The following ATXN2 variants were observed in gnomAD, a reference collection of about 807,000 sequenced individuals.
The protein encoded by ATXN2 is ataxin-2.
In ATXN2, 37 loss-of-function variants were observed where a neutral mutation model predicts 138.6. The observed-to-expected ratio is 0.27, with a 90% CI of 0.21 to 0.35. The LOEUF (loss-of-function observed/expected upper bound fraction) is 0.35. Among genes scored for constraint, ATXN2 ranks in the 10% least tolerant of loss-of-function variants. The pLI is 1.00. For missense variants in ATXN2, 1,216 were observed against 1,480.3 expected (o/e 0.82, Z 2.93); for synonymous variants, 549 against 543.7 (o/e 1.01, Z -0.13).
chr12:111,530,280 G>C (rs904182332), intron 5 of ATXN2, among the ~76,000 whole-genome samples: 6 of 152,184 alleles, frequency 3.9e-5, no homozygotes, highest in Non-Finnish European at 7.3e-5. Flanking sequence ...ATTTCCTGTA[G>C]GAACTAGGAG....
rs1193252000 is a variant in ATXN2, at chr12:111,599,307, G to A, written c.-273C>T. ...CCAAAACAGTCTGAGGCGGAGGGAG[G>A]CGAGCTCTGCCGGGAGGGAGGGGGG... On this transcript the variant is annotated 5_prime_UTR_variant, in exon 1 of 25. Transcript: ENST00000673436. The A allele has an allele frequency of 1.8e-6, 2 of 1,114,228 alleles. No individual in the cohort carries two copies. Among genetic ancestry groups the A allele is most frequent in the Non-Finnish European group, 2.2e-6 (2 of 916,348 alleles). The allele number at this position is 1,114,228 out of a possible 1,614,324, so 69.0% of individuals were successfully genotyped here.
chr12:111,566,496 T>C lies in ATXN2; in HGVS notation c.252-10577A>G, dbSNP rs549102861. On this transcript the variant is annotated intron_variant, in intron 1 of 24. Coordinates refer to ENST00000673436, the MANE Select transcript of ATXN2 (RefSeq NM_001372574.1). ...TCTGTAAGGCTACTACTGCCATTCA[T>C]AGCCATTCTCTGATGGCAAAATAAA... Among the ~76,000 whole-genome samples the C allele has an allele frequency of 2.6e-5, 4 of 151,558 alleles. No homozygotes were observed. The South Asian group carries it at 8.3e-4, about 32-fold the overall frequency.
Position 111,516,066 on chromosome 12 carries a change from A to T in ATXN2, c.1375+88T>A. The T allele has an allele frequency of 8.1e-7, 1 of 1,229,168 alleles. No homozygotes were observed. The highest frequency in any genetic ancestry group is 1.1e-6 in the Non-Finnish European group (1 of 894,434). The allele number at this position is 1,229,168 out of a possible 1,614,324, so 76.1% of individuals were successfully genotyped here. On this transcript the variant is annotated intron_variant, in intron 10 of 24. Transcript: ENST00000673436. The surrounding 1 kb of genome is among the most constrained non-coding windows in gnomAD (Gnocchi z 5.0). ...ACACAGAAATTATAGGTTATTAAAT[A>T]ATGAAGAGGAAACTATTTTGTAATT...
intron 1 of ATXN2, among the ~76,000 whole-genome samples, chr12:111,576,031 G>A (rs571781493): frequency 3.3e-5 from 5 of 151,882 alleles, no homozygotes; most frequent in South Asian, 4.2e-4. Flanking sequence ...GCAGTAAGCC[G>A]AGATCATGCC....
Position 111,598,196 on chromosome 12 carries a change from G to A in ATXN2, c.251+588C>T. 9.5e-7 allele frequency: 1 copy of A among 1,054,638 alleles called. No individual in the cohort carries two copies. Among genetic ancestry groups the A allele is most frequent in the Non-Finnish European group, 1.2e-6 (1 of 869,352 alleles). The allele number at this position is 1,054,638 out of a possible 1,614,324, so 65.3% of individuals were successfully genotyped here. On this transcript the variant is annotated intron_variant, in intron 1 of 24. Transcript: ENST00000673436. This position sits in a 1 kb window ranked among gnomAD's most constrained non-coding sequence, Gnocchi z 4.5. ...CCCACTTGTCTCCACCCCGTCCTCC[G>A]ATCTTTCCCAGGACTCGGAGGGGGC... is the stretch of plus-strand genomic sequence containing the variant.
chr12:111,530,046 T>C (rs1880729971), intron 5 of ATXN2, among the ~76,000 whole-genome samples: 1 of 152,232 alleles, frequency 6.6e-6, no homozygotes, highest in South Asian at 2.1e-4. Context: ...CATATTGTTT[T>C]GATCAATTCC....
chr12:111,534,682 C>G (rs1881045859), intron 5 of ATXN2, among the ~76,000 whole-genome samples: 1 of 152,042 alleles, frequency 6.6e-6, no homozygotes, highest in Non-Finnish European at 1.5e-5. Flanking sequence ...TCATGACACC[C>G]TATGATGTCT....
At chr12:111,468,648 A>G (rs1238152790) in intron 20 of ATXN2, 1 of 151,808 alleles carries the variant, frequency 6.6e-6, no homozygotes, top group Non-Finnish European at 1.5e-5. Context: ...AGGTGGTATG[A>G]AAAGTAGTAA....
chr12:111,581,556 G>A, intron 1 of ATXN2: 2 of 952,050 alleles, frequency 2.1e-6, no homozygotes, highest in South Asian at 2.6e-5. Flanking sequence ...CATGTCGTCT[G>A]GTCCCTGTTC....
At chr12:111,545,944 A>G (rs1881777783) in intron 5 of ATXN2, among the ~76,000 whole-genome samples, 1 of 151,408 alleles carries the variant, frequency 6.6e-6, no homozygotes, top group Non-Finnish European at 1.5e-5. Flanking sequence ...CAGCCTGGGC[A>G]ACAGAGCAAG....
chr12:111,555,160 AAGCAC>A (rs1239735495), intron 2 of ATXN2, among the ~76,000 whole-genome samples: 13 of 152,206 alleles, frequency 8.5e-5, no homozygotes, highest in Non-Finnish European at 1.5e-5. Flanking sequence ...AGCAGAAAAA[AAGCAC>A]ATTAATTCAA....
intron 18 of ATXN2, among the ~76,000 whole-genome samples, chr12:111,477,966 T>TC (rs113947533): frequency 4.7e-5 from 6 of 127,420 alleles, no homozygotes; most frequent in African/African-American, 1.8e-4. Context: ...TTCTTTTTTC[T>TC]TTTTTTTTTT....
intron 1 of ATXN2, among the ~76,000 whole-genome samples, chr12:111,595,239 C>A (rs1385484441): frequency 6.6e-6 from 1 of 152,162 alleles, no homozygotes; most frequent in Non-Finnish European, 1.5e-5. Context: ...TGGTAACTTT[C>A]TCTAAGGAAA....
At chr12:111,581,543 G>A (rs556797139) in intron 1 of ATXN2, 6 of 987,996 alleles carry the variant, frequency 6.1e-6, no homozygotes, top group South Asian at 2.5e-5. Flanking sequence ...CTCCGTGCCC[G>A]ACCATGTCGT....
At position 111,598,758 on chromosome 12, in the gene ATXN2, G is replaced by A; in HGVS notation, c.251+26C>T. 1 of 1,201,314 alleles carries A rather than the reference G, an allele frequency of 8.3e-7. No individual in the cohort carries two copies. The highest frequency in any genetic ancestry group is 1.0e-6 in the Non-Finnish European group (1 of 968,910). The allele number at this position is 1,201,314 out of a possible 1,614,324, so 74.4% of individuals were successfully genotyped here. ...GGGAGGGGACGCCGGGCCCGGAGCG[G>A]AGGGGGCTGGGGTGCCGACACCCAC... On this transcript the variant is annotated intron_variant, in intron 1 of 24. Coordinates refer to ENST00000673436, the MANE Select transcript of ATXN2 (RefSeq NM_001372574.1). The surrounding 1 kb of genome is among the most constrained non-coding windows in gnomAD (Gnocchi z 4.5).
At chr12:111,457,475 A>G (rs1443541869) in intron 21 of ATXN2, 116 bp from the exon 22 acceptor site, 1 of 1,166,964 alleles carries the variant, frequency 8.6e-7, no homozygotes, top group Non-Finnish European at 1.2e-6. Context: ...TCACGCCACT[A>G]CCAATTTCTA....
chr12:111,567,888 CACAA>C (rs1199696151), intron 1 of ATXN2, among the ~76,000 whole-genome samples: 2 of 152,178 alleles, frequency 1.3e-5, no homozygotes, highest in African/African-American at 4.8e-5. Flanking sequence ...AAACAATATA[CACAA>C]ACAATCTAAC....
At chr12:111,466,357 C>T (rs960333561) in intron 20 of ATXN2, among the ~76,000 whole-genome samples, 1 of 151,588 alleles carries the variant, frequency 6.6e-6, no homozygotes, top group East Asian at 2.0e-4. Flanking sequence ...AAAAATTAGC[C>T]GGGCATGGTG....
rs931669415 is a variant in ATXN2, at chr12:111,518,485, C to G, written c.987-58G>C. 6.6e-6 allele frequency: 10 copies of G among 1,507,876 alleles called. No homozygotes were observed. In the African/African-American group the frequency reaches 1.4e-4, roughly 21 times the overall value. The allele number at this position is 1,507,876 out of a possible 1,614,324, so 93.4% of individuals were successfully genotyped here. ...TCTAAAAGGTACCAAGCCAATGAAA[C>G]ATATCTAAAAGTCATCTAGACAGAA... is the stretch of plus-strand genomic sequence containing the variant. On this transcript the variant is annotated intron_variant, in intron 8 of 24. Coordinates refer to ENST00000673436, the MANE Select transcript of ATXN2 (RefSeq NM_001372574.1).
Sources: allele counts gnomAD v4.1 joint callset (sites outside exome capture counted in the v4.1 genomes callset), GRCh38; gene constraint gnomAD v4.1.1; non-coding constraint Gnocchi (gnomAD v3.1); transcripts MANE v1.5; gene names NCBI Gene and HGNC (gene_info 2026-07-23, HGNC 2026-07-21).